The following ZC3H12C variants were observed in gnomAD, a reference collection of about 807,000 sequenced individuals.
ZC3H12C encodes the protein zinc finger CCCH-type containing 12C.
A neutral mutation model predicts 76.3 loss-of-function variants in ZC3H12C; 20 were observed. That is an observed-to-expected ratio of 0.26 (90% CI 0.18 to 0.38). The LOEUF is 0.38. ZC3H12C is among the 10% of genes least tolerant of loss of function. The pLI, the probability that ZC3H12C is intolerant of heterozygous loss-of-function variation, is 1.00. For missense variants in ZC3H12C, 874 were observed against 1,086.5 expected, an observed-to-expected ratio of 0.80 and a Z score of 2.75; for synonymous variants, 352 against 399.6, an observed-to-expected ratio of 0.88 and a Z score of 1.42.
At chr11:110,108,600 C>G (rs906680426) in intron 1 of ZC3H12C, among the ~76,000 whole-genome samples, 1 of 152,148 alleles carries the variant, frequency 6.6e-6, no homozygotes, top group African/African-American at 2.4e-5. Flanking sequence ...TAAAATTTTG[C>G]TCCTGGACTC....
intron 1 of ZC3H12C, among the ~76,000 whole-genome samples, chr11:110,100,492 G>C (rs1189985785): frequency 6.6e-6 from 1 of 152,122 alleles, no homozygotes; most frequent in Non-Finnish European, 1.5e-5. Flanking sequence ...ATGAAGATTT[G>C]TGGCAACCGT....
chr11:110,153,440 G>A (rs770847620), intron 3 of ZC3H12C, among the ~76,000 whole-genome samples: 4 of 152,054 alleles, frequency 2.6e-5, no homozygotes, highest in South Asian at 2.1e-4. Context: ...TGCCCACCTC[G>A]GCCTCCCAAA....
chr11:110,109,434 A>G (rs577604747), intron 1 of ZC3H12C, among the ~76,000 whole-genome samples: 2 of 152,246 alleles, frequency 1.3e-5, no homozygotes, highest in South Asian at 4.1e-4. Flanking sequence ...CTTTCATCTC[A>G]TTGAATATTA....
intron 1 of ZC3H12C, among the ~76,000 whole-genome samples, chr11:110,121,936 C>G (rs1274945513): frequency 1.3e-5 from 2 of 152,144 alleles, no homozygotes; most frequent in African/African-American, 2.4e-5. Flanking sequence ...CTTATGGACT[C>G]TTAATAAAAA....
At position 110,152,921 on chromosome 11, in the gene ZC3H12C, A is replaced by G. The variant is rs1457508827; in HGVS notation, c.776A>G (p.His259Arg). ...AGTGTTCCGTAATAATCTTTCAGCC[A>G]TGGAAACAAAGAAGTATTTTCCTGC... ...VIDGSNVAMS[H>R]GNKEVFSCRG... Residue 259 changes from histidine (H) to arginine (R), a missense_variant and splice_region_variant, in exon 3 of 6, where the codon CAT (histidine) becomes CGT (arginine). His to Arg is a conservative substitution (Grantham distance 29). Transcript: ENST00000278590. 8.1e-6 allele frequency: 13 copies of G among 1,611,810 alleles called. 1 individual carries two copies. The highest frequency in any genetic ancestry group is 2.2e-5 in the South Asian group (2 of 90,370).
At chr11:110,094,024 T>G (rs1861066878) in intron 1 of ZC3H12C, among the ~76,000 whole-genome samples, 1 of 152,050 alleles carries the variant, frequency 6.6e-6, no homozygotes, top group Non-Finnish European at 1.5e-5. Context: ...CACGCTGCGT[T>G]CATTTTAGCT....
intron 1 of ZC3H12C, chr11:110,131,394 A>C (rs941883690): frequency 1.1e-5 from 4 of 363,822 alleles, no homozygotes; most frequent in African/African-American, 8.5e-5. Flanking sequence ...AGTTATAATA[A>C]ATGTTCCGAT....
At chr11:110,142,643 C>G (rs1371792169) in intron 2 of ZC3H12C, among the ~76,000 whole-genome samples, 2 of 152,110 alleles carry the variant, frequency 1.3e-5, no homozygotes, top group African/African-American at 2.4e-5. Context: ...TCATAACCAA[C>G]TGAAGGGTAA....
intron 1 of ZC3H12C, among the ~76,000 whole-genome samples, chr11:110,126,876 T>C (rs957312910): frequency 1.3e-5 from 2 of 152,210 alleles, no homozygotes; most frequent in African/African-American, 4.8e-5. Context: ...TACTTCTCTA[T>C]GAGCTTTATT....
intron 1 of ZC3H12C, among the ~76,000 whole-genome samples, chr11:110,098,797 G>T (rs1365742287): frequency 6.6e-6 from 1 of 152,196 alleles, no homozygotes; most frequent in Non-Finnish European, 1.5e-5. Context: ...AGAGGTTTGT[G>T]TAAGTATACT....
intron 1 of ZC3H12C, among the ~76,000 whole-genome samples, chr11:110,117,289 T>C (rs560462298): frequency 2.6e-5 from 4 of 152,326 alleles, no homozygotes; most frequent in African/African-American, 9.6e-5. Flanking sequence ...CTCTATTGGC[T>C]AATCTATTAG....
At chr11:110,103,541 T>C (rs1344076628) in intron 1 of ZC3H12C, among the ~76,000 whole-genome samples, 1 of 152,212 alleles carries the variant, frequency 6.6e-6, no homozygotes, top group Non-Finnish European at 1.5e-5. Flanking sequence ...ACTGTTTTGC[T>C]TATCTTCCAG....
At chr11:110,107,104 T>G (rs1486517123) in intron 1 of ZC3H12C, among the ~76,000 whole-genome samples, 1 of 152,252 alleles carries the variant, frequency 6.6e-6, no homozygotes, top group African/African-American at 2.4e-5. Flanking sequence ...CCTAGAGGGA[T>G]TCCCTTAAAT....
In ZC3H12C at chr11:110,164,439, A is replaced by G. The variant is rs747863587; in HGVS notation, c.1354A>G (p.Arg452Gly). The change falls in exon 6 of 6, where the codon AGA becomes GGA. Residue 452 changes from arginine to glycine, a missense_variant. Around this residue, in one of 3 missense-constraint regions of ZC3H12C, gnomAD observed 269 missense variants for 424.9 expected, o/e 0.63. Coordinates refer to ENST00000278590, the MANE Select transcript of ZC3H12C (RefSeq NM_033390.2). The surrounding 1 kb of genome is among the most constrained non-coding windows in gnomAD (Gnocchi z 5.7). Reference sequence around the variant, plus strand: ...GGCTGATGAACTCCGTGCCATGTCTAGAAATACGGCAGCCAAAACTGCAAA... The same window carrying G: ...GGCTGATGAACTCCGTGCCATGTCTGGAAATACGGCAGCCAAAACTGCAAA... ...SVADELRAMS[R>G]NTAAKTANEG... is the part of the protein sequence containing the mutation. The G allele has an allele frequency of 6.2e-7, 1 of 1,614,052 alleles. No homozygotes were observed. Among genetic ancestry groups the G allele is most frequent in the Non-Finnish European group, 8.5e-7 (1 of 1,179,902 alleles).
At chr11:110,105,848 T>C (rs1861313827) in intron 1 of ZC3H12C, among the ~76,000 whole-genome samples, 2 of 152,222 alleles carry the variant, frequency 1.3e-5, no homozygotes, top group Non-Finnish European at 2.9e-5. Context: ...AATTATGATA[T>C]TTATTAAAAT....
chr11:110,140,691 C>T (rs1356521231), intron 2 of ZC3H12C, among the ~76,000 whole-genome samples: 1 of 152,150 alleles, frequency 6.6e-6, no homozygotes, highest in Non-Finnish European at 1.5e-5. Context: ...AAATCTCTCC[C>T]CTGACTGGTG....
At chr11:110,124,423 T>C (rs1451068883) in intron 1 of ZC3H12C, among the ~76,000 whole-genome samples, 1 of 152,290 alleles carries the variant, frequency 6.6e-6, no homozygotes, top group East Asian at 1.9e-4. Flanking sequence ...GCCATATTGG[T>C]TGTACTATGT....
At chr11:110,108,421 C>T (rs1036059524) in intron 1 of ZC3H12C, among the ~76,000 whole-genome samples, 1 of 152,182 alleles carries the variant, frequency 6.6e-6, no homozygotes, top group African/African-American at 2.4e-5. Context: ...CAGAGGCTGG[C>T]AGACAAACCA....
rs1317730836 is a variant in ZC3H12C, at chr11:110,165,556, A to G, written c.2471A>G (p.Tyr824Cys). The G allele has an allele frequency of 6.2e-7, 1 of 1,613,444 alleles. No individual in the cohort carries two copies. The highest frequency in any genetic ancestry group is 1.6e-4 in the Middle Eastern group (1 of 6,062). Residue 824 changes from tyrosine (Y) to cysteine (C), a missense_variant, in exon 6 of 6, where the codon TAC becomes TGC. Transcript: ENST00000278590. ...EQQEPAWRIP[Y>C]CGMPQDPPRY... The stretch of plus-strand genomic sequence containing the variant: ...CAGGAGCCAGCCTGGCGGATCCCAT[A>G]CTGTGGAATGCCGCAAGATCCCCCG...
Sources: allele counts gnomAD v4.1 joint callset (sites outside exome capture counted in the v4.1 genomes callset), GRCh38; gene constraint gnomAD v4.1.1; regional missense constraint gnomAD v4.1.1; non-coding constraint Gnocchi (gnomAD v3.1); transcripts MANE v1.5; gene names NCBI Gene and HGNC (gene_info 2026-07-23, HGNC 2026-07-21).